The following GTF2E2 variants were observed in gnomAD, a reference collection of about 807,000 sequenced individuals.
GTF2E2 encodes the protein general transcription factor IIE subunit 2.
In GTF2E2, 21 loss-of-function variants were observed where a neutral mutation model predicts 40.5. That is an observed-to-expected ratio of 0.52 (90% CI 0.37 to 0.75). The LOEUF is 0.75. Ranked by LOEUF, GTF2E2 falls within the 30% of genes least tolerant of loss-of-function variation. The probability of loss-of-function intolerance (pLI) is 0.00; values close to 1 mark genes in which losing one functional copy is unlikely to be tolerated. For synonymous variants in GTF2E2, 117 were observed against 121.6 expected, an observed-to-expected ratio of 0.96 and a Z score of 0.25; for missense variants, 298 against 338.4, an observed-to-expected ratio of 0.88 and a Z score of 0.94.
chr8:30,605,232 T>C (rs573214603), intron 6 of GTF2E2, among the ~76,000 whole-genome samples: 1 of 152,260 alleles, frequency 6.6e-6, no homozygotes, highest in Non-Finnish European at 1.5e-5. Flanking sequence ...AACATTTAAA[T>C]ATGTTTGTTG....
At chr8:30,623,878 T>G (rs1195697322) in intron 3 of GTF2E2, among the ~76,000 whole-genome samples, 1 of 151,900 alleles carries the variant, frequency 6.6e-6, no homozygotes, top group African/African-American at 2.4e-5. Context: ...TTCTTGAAAA[T>G]TTGTTTGAGT....
At chr8:30,639,332 T>C (rs1053078353) in intron 2 of GTF2E2, among the ~76,000 whole-genome samples, 3 of 152,168 alleles carry the variant, frequency 2.0e-5, no homozygotes, top group African/African-American at 4.8e-5. Flanking sequence ...GAAATTTCTC[T>C]CTCGTAATAT....
intron 2 of GTF2E2, 70 bp downstream of exon 2, chr8:30,653,363 G>A: frequency 1.7e-6 from 2 of 1,153,574 alleles, no homozygotes; most frequent in Non-Finnish European, 2.6e-6. Context: ...AAATGAACTA[G>A]CCATAACTAA....
chr8:30,581,941 T>A (rs1828526319), intron 6 of GTF2E2, among the ~76,000 whole-genome samples: 1 of 152,234 alleles, frequency 6.6e-6, no homozygotes, highest in Non-Finnish European at 1.5e-5. Context: ...CTTCAACGAT[T>A]TGACTACCGA....
intron 6 of GTF2E2, among the ~76,000 whole-genome samples, chr8:30,593,719 C>T (rs1005737004): frequency 2.0e-5 from 3 of 152,126 alleles, no homozygotes; most frequent in South Asian, 2.1e-4. Flanking sequence ...TGGCCTCAAG[C>T]GATCCTCCTG....
At chr8:30,587,871 T>TAAAAA (rs58179732) in intron 6 of GTF2E2, among the ~76,000 whole-genome samples, 25 of 105,024 alleles carry the variant, frequency 2.4e-4, no homozygotes, top group African/African-American at 9.6e-4. Context: ...GACTCCGTCT[T>TAAAAA]AAAAAAAAAA....
chr8:30,603,802 G>A (rs567573169), intron 6 of GTF2E2, among the ~76,000 whole-genome samples: 1 of 152,030 alleles, frequency 6.6e-6, no homozygotes, highest in African/African-American at 2.4e-5. Flanking sequence ...AAACAACAGA[G>A]ATAAAATAAG....
chr8:30,599,636 G>GA (rs886066331), intron 6 of GTF2E2, among the ~76,000 whole-genome samples: 3 of 149,208 alleles, frequency 2.0e-5, no homozygotes, highest in Non-Finnish European at 3.0e-5. Flanking sequence ...AAATGGGCCA[G>GA]AAAAAATTGT....
At chr8:30,624,273 T>G (rs1801202461) in intron 3 of GTF2E2, among the ~76,000 whole-genome samples, 1 of 152,178 alleles carries the variant, frequency 6.6e-6, no homozygotes, top group African/African-American at 2.4e-5. Context: ...CAGGGAATCC[T>G]TTCCTCATTG....
intron 3 of GTF2E2, among the ~76,000 whole-genome samples, chr8:30,628,557 G>A (rs992831629): frequency 5.3e-5 from 8 of 152,214 alleles, no homozygotes; most frequent in African/African-American, 1.9e-4. Context: ...AGAGTAAGAA[G>A]ATTGAGAAAG....
chr8:30,619,204 T>C (rs1801012184), intron 3 of GTF2E2, among the ~76,000 whole-genome samples: 1 of 152,086 alleles, frequency 6.6e-6, no homozygotes, highest in African/African-American at 2.4e-5. Flanking sequence ...CCTCCCGAAG[T>C]GTTGGGATTA....
At chr8:30,599,579 A>AC (rs1253635079) in intron 6 of GTF2E2, among the ~76,000 whole-genome samples, 1 of 64,252 alleles carries the variant, frequency 1.6e-5, no homozygotes. Context: ...AGTTTGTCTC[A>AC]CAAAAAAAAA....
At chr8:30,599,571 T>C (rs1483419566) in intron 6 of GTF2E2, among the ~76,000 whole-genome samples, 7 of 116,586 alleles carry the variant, frequency 6.0e-5, no homozygotes, top group Non-Finnish European at 1.1e-4. Context: ...AGAGCGAGAG[T>C]TTGTCTCACA....
rs943089793 is a variant in GTF2E2, at chr8:30,614,493, G to A, written c.366+115C>T. 47 of 593,246 alleles carry A rather than the reference G, an allele frequency of 7.9e-5. No homozygotes were observed. In the Admixed American group the frequency reaches 8.5e-4, roughly 11 times the overall value. The allele number at this position is 593,246 out of a possible 1,614,324, so 36.7% of individuals were successfully genotyped here. On this transcript the variant is annotated intron_variant, in intron 4 of 7. Coordinates refer to ENST00000355904, the MANE Select transcript of GTF2E2 (RefSeq NM_002095.6). Reference sequence around the variant, plus strand: ...TACTCGGGAGGCTGAGTCAGCAGTGGGCTGAGATCATGCCACTGCACTCTA... The same window carrying A: ...TACTCGGGAGGCTGAGTCAGCAGTGAGCTGAGATCATGCCACTGCACTCTA...
intron 3 of GTF2E2, among the ~76,000 whole-genome samples, chr8:30,631,592 C>A (rs906507412): frequency 3.3e-5 from 5 of 152,114 alleles, no homozygotes; most frequent in Non-Finnish European, 5.9e-5. Flanking sequence ...TTAGTCAATT[C>A]TCATTATAGT....
chr8:30,599,078 A>G (rs1829095617), intron 6 of GTF2E2, among the ~76,000 whole-genome samples: 1 of 152,248 alleles, frequency 6.6e-6, no homozygotes, highest in Admixed American at 6.5e-5. Context: ...CCCAATCAGT[A>G]TTTATGAGGA....
Position 30,578,943 on chromosome 8 carries a change from G to C in GTF2E2, c.854C>G (p.Ser285Cys), listed in dbSNP as rs758525253. The C allele has an allele frequency of 6.4e-7, 1 of 1,574,626 alleles. No individual in the cohort carries two copies. The highest frequency in any genetic ancestry group is 1.3e-5 in the African/African-American group (1 of 74,196). ...EHLAGVLKDY[S>C]DITSSK ...TCCCTATTTGCTGGAAGTAATGTCA[G>C]AGTAATCCTTCAGCACTCCAGCCAA... Residue 285 changes from serine to cysteine, a missense_variant, in exon 8 of 8, where the codon TCT becomes TGT. Ser to Cys is a moderately radical substitution (Grantham distance 112). Transcript: ENST00000355904.
At chr8:30,642,759 A>T (rs1801894902) in intron 2 of GTF2E2, among the ~76,000 whole-genome samples, 1 of 152,224 alleles carries the variant, frequency 6.6e-6, no homozygotes, top group African/African-American at 2.4e-5. Context: ...GTTACCTATG[A>T]TTCAATTGTG....
chr8:30,605,661 G>T (rs1829299267), intron 6 of GTF2E2, among the ~76,000 whole-genome samples: 1 of 151,356 alleles, frequency 6.6e-6, no homozygotes, highest in Non-Finnish European at 1.5e-5. Context: ...ATCTTAAATG[G>T]TTTTTAACTT....
Sources: gnomAD v4.1 joint callset for allele counts (sites outside exome capture counted in the v4.1 genomes callset) on GRCh38, gnomAD v4.1.1 for gene constraint, MANE v1.5 for transcripts, NCBI Gene and HGNC (gene_info 2026-07-23, HGNC 2026-07-21) for gene names.